COL11A2: variants seen among roughly 807,000 people sequenced by gnomAD.
The protein encoded by COL11A2 is collagen alpha-2(XI) chain.
COL11A2 carries 116 observed loss-of-function variants against 273.4 expected under a neutral mutation model. That is an observed-to-expected ratio of 0.42 (90% CI 0.36 to 0.49). The LOEUF is 0.49. COL11A2 is among the 20% of genes least tolerant of loss of function. COL11A2 has a pLI of 0.00. For synonymous variants in COL11A2, 782 were observed against 864.2 expected, an observed-to-expected ratio of 0.90 and a Z score of 1.67; for missense variants, 1,866 against 2,309.0, an observed-to-expected ratio of 0.81 and a Z score of 3.93.
rs1349698588 is a variant in COL11A2, at chr6:33,170,274, G to A, written c.3582+52C>T. ...TAGAGTTTATGGTCTGGGAAAGGGA[G>A]GCAGAAGACCAGACACATTGGTCTC... On this transcript the variant is annotated intron_variant, in intron 48 of 65. Transcript: ENST00000341947. The surrounding 1 kb of genome is among the most constrained non-coding windows in gnomAD (Gnocchi z 4.3). 2.5e-6 allele frequency: 4 copies of A among 1,597,660 alleles called. No homozygotes were observed. The highest frequency in any genetic ancestry group is 1.3e-5 in the African/African-American group (1 of 74,500).
chr6:33,177,783 C>T lies in COL11A2; in HGVS notation c.1873-77G>A, dbSNP rs565465117. 42 of 1,533,458 alleles carry T rather than the reference C, an allele frequency of 2.7e-5. No homozygotes were observed. The highest frequency in any genetic ancestry group is 1.6e-4 in the South Asian group (14 of 88,462). The allele number at this position is 1,533,458 out of a possible 1,614,324, so 95.0% of individuals were successfully genotyped here. On this transcript the variant is annotated intron_variant, in intron 21 of 65. Transcript: ENST00000341947. The surrounding 1 kb of genome is among the most constrained non-coding windows in gnomAD (Gnocchi z 5.9). ...TGGTTTTCAGAGGCCCGGCCATTCC[C>T]GAGGGTGTGACGGTCAGACCTCCAA...
Position 33,192,350 on chromosome 6 carries a change from G to A in COL11A2, c.-110C>T. 3 of 1,102,946 alleles carry A rather than the reference G, an allele frequency of 2.7e-6. No homozygotes were observed. The highest frequency in any genetic ancestry group is 4.0e-6 in the Non-Finnish European group (3 of 750,160). The allele number at this position is 1,102,946 out of a possible 1,614,324, so 68.3% of individuals were successfully genotyped here. On this transcript the variant is annotated 5_prime_UTR_variant, in exon 1 of 66. Coordinates refer to ENST00000341947, the MANE Select transcript of COL11A2 (RefSeq NM_080680.3). Reference sequence around the variant, plus strand: ...CAGACTATGAGCCTCAGACGCCGGGGTCCCAGGGAGGTCAGAGGCTGCGGG... The same window carrying A: ...CAGACTATGAGCCTCAGACGCCGGGATCCCAGGGAGGTCAGAGGCTGCGGG...
At position 33,186,749 on chromosome 6, in the gene COL11A2, G is replaced by T; in HGVS notation, c.676C>A (p.Leu226Met). The change falls in exon 5 of 66, where the codon CTG becomes ATG. Residue 226 changes from leucine (L) to methionine (M), a missense_variant. Leu to Met is a conservative substitution (Grantham distance 15). Transcript: ENST00000341947. ...AAYESCEQKE[L>M]ECEGGQRERP... ...TCCCTCTGGCCCCCCTCGCATTCCA[G>T]CTCCTTCTGTTCACATGATTCATAG... is the stretch of plus-strand genomic sequence containing the variant. 6.2e-7 allele frequency: 1 copy of T among 1,614,106 alleles called. No individual in the cohort carries two copies. Among genetic ancestry groups the T allele is most frequent in the Middle Eastern group, 1.6e-4 (1 of 6,062 alleles).
Position 33,177,783 on chromosome 6 carries a change from C to G in COL11A2, c.1873-77G>C. The stretch of plus-strand genomic sequence containing the variant: ...TGGTTTTCAGAGGCCCGGCCATTCC[C>G]GAGGGTGTGACGGTCAGACCTCCAA... On this transcript the variant is annotated intron_variant, in intron 21 of 65. Transcript: ENST00000341947. The surrounding 1 kb of genome is among the most constrained non-coding windows in gnomAD (Gnocchi z 5.9). 1 of 1,533,578 alleles carries G rather than the reference C, an allele frequency of 6.5e-7. No individual in the cohort carries two copies. The highest frequency in any genetic ancestry group is 9.0e-7 in the Non-Finnish European group (1 of 1,111,616). The allele number at this position is 1,533,578 out of a possible 1,614,324, so 95.0% of individuals were successfully genotyped here.
In COL11A2 at chr6:33,166,774, C is replaced by A. The variant is rs1274240042; in HGVS notation, c.4284G>T (p.Lys1428Asn). 1 of 1,613,420 alleles carries A rather than the reference C, an allele frequency of 6.2e-7. No homozygotes were observed. The highest frequency in any genetic ancestry group is 8.5e-7 in the Non-Finnish European group (1 of 1,180,046). The change falls in exon 59 of 66, where the codon AAG becomes AAT. Residue 1428 changes from lysine (K) to asparagine (N), a missense_variant. Physicochemically the swap from Lys to Asn is moderately conservative, Grantham distance 94. Transcript: ENST00000341947. This position sits in a 1 kb window ranked among gnomAD's most constrained non-coding sequence, Gnocchi z 4.8. Reference sequence around the variant, plus strand: ...GAGGCCCAGGAAGTCCCCGATCTCCCTTCTCTCCCTGCTCACCCGGGGGCC... The same window carrying A: ...GAGGCCCAGGAAGTCCCCGATCTCCATTCTCTCCCTGCTCACCCGGGGGCC... ...LIGPPGEQGE[K>N]GDRGLPGPQG... is the part of the protein sequence containing the mutation.
rs772772078 is a variant in COL11A2 at position 33,179,753 on chromosome 6, T to G, written c.1412A>C (p.Glu471Ala). The change falls in exon 13 of 66, where the codon GAG becomes GCG. Residue 471 changes from glutamate to alanine, a missense_variant. Transcript: ENST00000341947. This position sits in a 1 kb window ranked among gnomAD's most constrained non-coding sequence, Gnocchi z 6.4. The stretch of plus-strand genomic sequence containing the variant: ...CTGCAGGATCGCCTGGGCCTGAGCC[T>G]CCTGGGCCGCCACCACAGGGCCCTT... ...GDKGPVVAAQEAQAQAILQQA... is the reference protein window; with the variant it reads ...GDKGPVVAAQAAQAQAILQQA... The G allele has an allele frequency of 1.9e-6, 3 of 1,612,096 alleles. No homozygotes were observed. In the South Asian group the frequency reaches 3.3e-5, roughly 18 times the overall value.
chr6:33,190,836 C>A lies in COL11A2; in HGVS notation c.82+1323G>T, dbSNP rs949537463. ...AGGAGACCTCGGAGGTCCCCACCCTCCACCAAATCCCAAGGGAGTACAATT... is the reference window on the plus strand; with the variant it reads ...AGGAGACCTCGGAGGTCCCCACCCTACACCAAATCCCAAGGGAGTACAATT... On this transcript the variant is annotated intron_variant, in intron 1 of 65. Coordinates refer to ENST00000341947, the MANE Select transcript of COL11A2 (RefSeq NM_080680.3). This position sits in a 1 kb window ranked among gnomAD's most constrained non-coding sequence, Gnocchi z 4.5. 6.6e-6 allele frequency among the ~76,000 whole-genome samples: 1 copy of A among 152,090 alleles called. No homozygotes were observed. The highest frequency in any genetic ancestry group is 1.5e-5 in the Non-Finnish European group (1 of 68,018).
At chr6:33,185,112 T>TA in intron 6 of COL11A2, 58 bp from the exon 7 acceptor site, 1 of 1,329,806 alleles carries the variant, frequency 7.5e-7, no homozygotes, top group East Asian at 2.5e-5. Flanking sequence ...GGAGAAAGGT[T>TA]AGCAGAAGGG....
In COL11A2 at chr6:33,167,830, G is replaced by T. The variant is rs767468665; in HGVS notation, c.3983C>A (p.Ser1328Tyr). Residue 1328 changes from serine to tyrosine, a missense_variant, in exon 55 of 66, where the codon TCC (serine) becomes TAC (tyrosine). Transcript: ENST00000341947. This position sits in a 1 kb window ranked among gnomAD's most constrained non-coding sequence, Gnocchi z 6.1. ...GKRGPAGSPG[S>Y]EGRQGGKGAK... ...TCCCTTCCCTCCTTGTCGCCCCTCG[G>T]AACCAGGCGAGCCAGCAGGACCCTG... is the stretch of plus-strand genomic sequence containing the variant. 5 of 1,612,842 alleles carry T rather than the reference G, an allele frequency of 3.1e-6. No individual in the cohort carries two copies. Among genetic ancestry groups the T allele is most frequent in the Non-Finnish European group, 4.2e-6 (5 of 1,179,940 alleles).
Position 33,164,524 on chromosome 6 carries a change from T to C in COL11A2, c.4864-51A>G, listed in dbSNP as rs182100118. On this transcript the variant is annotated intron_variant, in intron 64 of 65. Transcript: ENST00000341947. This position sits in a 1 kb window ranked among gnomAD's most constrained non-coding sequence, Gnocchi z 4.7. ...CAGAGGGGGAGAGAGAGGGCTGGCC[T>C]CAGAGGGAGACAGAGACGGGCCTCA... is the stretch of plus-strand genomic sequence containing the variant. 613 of 1,436,582 alleles carry C rather than the reference T, an allele frequency of 4.3e-4. 4 individuals are homozygous for C. In the African/African-American group the frequency reaches 4.9e-3, roughly 11 times the overall value. 89.0% of individuals were successfully genotyped at this position (1,436,582 alleles called of 1,614,324 possible). A position where few individuals can be genotyped will look rare whatever the true frequency, so the allele number is the denominator to read the frequency against.
intron 4 of COL11A2, 97 bp downstream of exon 4, chr6:33,188,265 G>A: frequency 7.1e-7 from 1 of 1,402,636 alleles, no homozygotes; most frequent in Non-Finnish European, 1.0e-6. Flanking sequence ...AAAAATGAAG[G>A]CCTAGGGAAT....
At position 33,170,428 on chromosome 6, in the gene COL11A2, G is replaced by A. The variant is rs755803594; in HGVS notation, c.3529-49C>T. 36 of 1,603,254 alleles carry A rather than the reference G, an allele frequency of 2.2e-5. No homozygotes were observed. The African/African-American group carries it at 4.7e-4, about 21-fold the overall frequency. On this transcript the variant is annotated intron_variant, in intron 47 of 65. Coordinates refer to ENST00000341947, the MANE Select transcript of COL11A2 (RefSeq NM_080680.3). This position sits in a 1 kb window ranked among gnomAD's most constrained non-coding sequence, Gnocchi z 4.3. ...GATGAGGAAGGGAAGTGAGATGGCT[G>A]AGCATGAATGGTGGAGAGAGGAGGA... is the stretch of plus-strand genomic sequence containing the variant.
In COL11A2 at chr6:33,169,753, G is replaced by A; in HGVS notation, c.3690+78C>T. ...TGCTGCAGAGGAGTTCCAGCTCAAGGAGGTCACAGGAAAAGTGGAGGCAGG... is the reference window on the plus strand; with the variant it reads ...TGCTGCAGAGGAGTTCCAGCTCAAGAAGGTCACAGGAAAAGTGGAGGCAGG... On this transcript the variant is annotated intron_variant, in intron 50 of 65. Coordinates refer to ENST00000341947, the MANE Select transcript of COL11A2 (RefSeq NM_080680.3). The surrounding 1 kb of genome is among the most constrained non-coding windows in gnomAD (Gnocchi z 5.5). The A allele has an allele frequency of 1.3e-6, 2 of 1,553,240 alleles. No individual in the cohort carries two copies. The highest frequency in any genetic ancestry group is 1.4e-5 in the African/African-American group (1 of 73,788).
chr6:33,175,736 C>G, intron 29 of COL11A2, 55 bp from the exon 30 acceptor site: 1 of 1,545,482 alleles, frequency 6.5e-7, no homozygotes, highest in Non-Finnish European at 8.9e-7. Context: ...GGCTCTGGGC[C>G]CAGAGGAGAA....
rs2254287 is a variant in COL11A2, at chr6:33,176,171, C to A, written c.2214+88G>T. On this transcript the variant is annotated intron_variant, in intron 28 of 65. Coordinates refer to ENST00000341947, the MANE Select transcript of COL11A2 (RefSeq NM_080680.3). This position sits in a 1 kb window ranked among gnomAD's most constrained non-coding sequence, Gnocchi z 4.9. ...TGGAAGCAGGGGCTCGGGAGCTGGA[C>A]GGCAGTGCGGGGCAGGCTGGAGGGA... 1 of 1,602,888 alleles carries A rather than the reference C, an allele frequency of 6.2e-7. No individual in the cohort carries two copies. Among genetic ancestry groups the A allele is most frequent in the Non-Finnish European group, 8.5e-7 (1 of 1,171,318 alleles).
Position 33,189,374 on chromosome 6 carries a change from A to G in COL11A2, c.178T>C (p.Tyr60His). 1 of 1,613,306 alleles carries G rather than the reference A, an allele frequency of 6.2e-7. No homozygotes were observed. Among genetic ancestry groups the G allele is most frequent in the Non-Finnish European group, 8.5e-7 (1 of 1,180,026 alleles). Residue 60 changes from tyrosine (Y) to histidine (H), a missense_variant, in exon 2 of 66, where the codon TAC becomes CAC. Coordinates refer to ENST00000341947, the MANE Select transcript of COL11A2 (RefSeq NM_080680.3). The surrounding 1 kb of genome is among the most constrained non-coding windows in gnomAD (Gnocchi z 5.6). ...AKGICPADVA[Y>H]RVARPAQLSA... ...AGCTGGGCAGGTCGTGCCACTCGGTAGGCCACATCAGCTGGACAGATGCCT... is the reference window on the plus strand; with the variant it reads ...AGCTGGGCAGGTCGTGCCACTCGGTGGGCCACATCAGCTGGACAGATGCCT...
At position 33,191,597 on chromosome 6, in the gene COL11A2, G is replaced by A. The variant is rs186897301; in HGVS notation, c.82+562C>T. On this transcript the variant is annotated intron_variant, in intron 1 of 65. Transcript: ENST00000341947. ...TGTCCGGAGGGCCGTCCTGTTGGCA[G>A]CCAGCCCCAGTGCTCCCCAGAGCCA... Among the ~76,000 whole-genome samples the A allele has an allele frequency of 1.7e-3, 257 of 152,370 alleles. 2 individuals carry two copies. The highest frequency in any genetic ancestry group is 5.9e-3 in the African/African-American group (246 of 41,586).
intron 8 of COL11A2, among the ~76,000 whole-genome samples, chr6:33,182,529 T>C (rs1397474674): frequency 6.6e-6 from 1 of 151,368 alleles, no homozygotes; most frequent in East Asian, 2.0e-4. Flanking sequence ...CTGGCCAACA[T>C]GTGAAACCCC....
chr6:33,186,512 G>C (rs1371933029), intron 5 of COL11A2, 115 bp downstream of exon 5: 17 of 1,577,140 alleles, frequency 1.1e-5, no homozygotes, highest in Non-Finnish European at 1.3e-5. Context: ...ACTAGGAGGA[G>C]GGGGTGATGG....
Sources: gnomAD v4.1 joint callset for allele counts (sites outside exome capture counted in the v4.1 genomes callset) on GRCh38, gnomAD v4.1.1 for gene constraint, Gnocchi (gnomAD v3.1) non-coding constraint, MANE v1.5 for transcripts, NCBI Gene and HGNC (gene_info 2026-07-23, HGNC 2026-07-21) for gene names.